Variants in SLC2A9 observed in about 807,000 individuals in gnomAD.
The protein encoded by SLC2A9 is solute carrier family 2, facilitated glucose transporter member 9.
A neutral mutation model predicts 50.6 loss-of-function variants in SLC2A9; 39 were observed. The observed-to-expected ratio is 0.77, with a 90% confidence interval of 0.60 to 1.01. SLC2A9 has a LOEUF of 1.01. Ranked by LOEUF, SLC2A9 falls within the 50% of genes least tolerant of loss-of-function variation. The pLI is 0.00. For synonymous variants in SLC2A9, 324 were observed against 276.9 expected (o/e 1.17, Z -1.69); for missense variants, 686 against 677.6 (o/e 1.01, Z -0.14).
chr4:9,840,896 C>T (rs1022545715), intron 10 of SLC2A9, among the ~76,000 whole-genome samples: 7 of 134,964 alleles, frequency 5.2e-5, no homozygotes, highest in Admixed American at 8.3e-5. Flanking sequence ...AAGCAAGACA[C>T]GTCTTACCAT....
rs139877742 is a variant in SLC2A9 at position 9,873,848 on chromosome 4, C to T, written c.1291+13719G>A. On this transcript the variant is annotated intron_variant, in intron 10 of 11. Coordinates refer to ENST00000264784, the MANE Select transcript of SLC2A9 (RefSeq NM_020041.3). ...TATTTGTTACACAGTCATAGCTAAC[C>T]GATACAAATTCCTTAGTGATCTTTC... Among the ~76,000 whole-genome samples, 42 of 152,296 alleles carry T rather than the reference C, an allele frequency of 2.8e-4. 1 individual carries two copies. Among genetic ancestry groups the T allele is most frequent in the Middle Eastern group, 3.4e-3 (1 of 294 alleles).
intron 8 of SLC2A9, among the ~76,000 whole-genome samples, chr4:9,899,079 C>T (rs529880755): frequency 5.9e-4 from 90 of 152,240 alleles, no homozygotes; most frequent in Non-Finnish European, 9.6e-4. Context: ...TCAGCCAAAG[C>T]GGTGCAGACA....
chr4:9,998,358 A>G (rs1159984398), intron 2 of SLC2A9, among the ~76,000 whole-genome samples: 1 of 152,224 alleles, frequency 6.6e-6, no homozygotes, highest in Non-Finnish European at 1.5e-5. Flanking sequence ...GATTTAAATC[A>G]GCTGAACCTT....
chr4:9,861,591 G>C (rs1043209891), intron 10 of SLC2A9, among the ~76,000 whole-genome samples: 1 of 152,074 alleles, frequency 6.6e-6, no homozygotes, highest in Admixed American at 6.5e-5. Flanking sequence ...TGTTTGTTTT[G>C]CTCCATGCAC....
intron 7 of SLC2A9, among the ~76,000 whole-genome samples, chr4:9,912,618 A>G (rs560374159): frequency 6.6e-6 from 1 of 152,352 alleles, no homozygotes; most frequent in South Asian, 2.1e-4. Flanking sequence ...TCTAAGGATC[A>G]GTCAAGGGTC....
At chr4:9,955,867 ATTTTTTTTTT>A (rs1170286158) in intron 5 of SLC2A9, among the ~76,000 whole-genome samples, 5 of 61,688 alleles carry the variant, frequency 8.1e-5, no homozygotes, top group African/African-American at 3.5e-4. Context: ...AAGCATCTGG[ATTTTTTTTTT>A]TTTTTTTTTT....
chr4:9,802,606 G>C (rs1209012157), intron 3 of SLC2A9, among the ~76,000 whole-genome samples: 3 of 145,796 alleles, frequency 2.1e-5, no homozygotes, highest in Non-Finnish European at 4.5e-5. Context: ...TTGTCGCCCA[G>C]GCTGGAGTGC....
At chr4:9,912,528 T>C (rs1431256787) in intron 7 of SLC2A9, among the ~76,000 whole-genome samples, 1 of 152,104 alleles carries the variant, frequency 6.6e-6, no homozygotes, top group African/African-American at 2.4e-5. Flanking sequence ...AGAGACAAAG[T>C]GTAACATACA....
intron 7 of SLC2A9, among the ~76,000 whole-genome samples, chr4:9,918,267 C>T (rs1490619285): frequency 6.6e-6 from 1 of 152,154 alleles, no homozygotes; most frequent in African/African-American, 2.4e-5. Flanking sequence ...GGGGTGGTGC[C>T]TGCACAGAAA....
At chr4:9,907,244 G>C (rs1740848717) in intron 8 of SLC2A9, among the ~76,000 whole-genome samples, 1 of 152,234 alleles carries the variant, frequency 6.6e-6, no homozygotes, top group African/African-American at 2.4e-5. Flanking sequence ...CTACAAAAAA[G>C]AAGAGACACA....
At chr4:9,939,866 T>C (rs887704471) in intron 6 of SLC2A9, among the ~76,000 whole-genome samples, 1 of 152,172 alleles carries the variant, frequency 6.6e-6, no homozygotes, top group African/African-American at 2.4e-5. Flanking sequence ...TTGCTGAATG[T>C]CTGGAGTAAA....
At chr4:9,852,857 A>C (rs1042395203) in intron 10 of SLC2A9, among the ~76,000 whole-genome samples, 2 of 152,230 alleles carry the variant, frequency 1.3e-5, no homozygotes, top group Admixed American at 1.3e-4. Flanking sequence ...TGCACATACC[A>C]GTATTAACCT....
At chr4:9,955,805 C>G (rs2108882665) in intron 5 of SLC2A9, among the ~76,000 whole-genome samples, 1 of 151,746 alleles carries the variant, frequency 6.6e-6, no homozygotes, top group South Asian at 2.1e-4. Context: ...CCTTTTGAGC[C>G]CCACTGGACA....
intron 5 of SLC2A9, among the ~76,000 whole-genome samples, chr4:9,945,189 G>A (rs1021724754): frequency 6.6e-6 from 1 of 152,244 alleles, no homozygotes; most frequent in Non-Finnish European, 1.5e-5. Flanking sequence ...CAGCTCTCTT[G>A]CAGGCTGTCT....
intron 10 of SLC2A9, among the ~76,000 whole-genome samples, chr4:9,841,508 AAG>A (rs1219812360): frequency 6.6e-6 from 1 of 152,188 alleles, no homozygotes; most frequent in Non-Finnish European, 1.5e-5. Flanking sequence ...GATATGATGG[AAG>A]ACCGATCTTT....
intron 5 of SLC2A9, among the ~76,000 whole-genome samples, chr4:9,953,771 C>A (rs901952571): frequency 2.0e-5 from 3 of 151,074 alleles, no homozygotes; most frequent in African/African-American, 7.4e-5. Flanking sequence ...GGCAGGCATG[C>A]ACTACCGTGC....
In SLC2A9 at chr4:9,845,427, C is replaced by CTTTTTTTTT. The variant is rs1175166447; in HGVS notation, c.1292-10428_1292-10420dup. On this transcript the variant is annotated intron_variant, in intron 10 of 11. Coordinates refer to ENST00000264784, the MANE Select transcript of SLC2A9 (RefSeq NM_020041.3). ...CCAATGGAACCACGATCATCAATTTCTTTTTTTTTTTTTTTTTTTTGAGAC... is the reference window on the plus strand; with the variant it reads ...CCAATGGAACCACGATCATCAATTTCTTTTTTTTTTTTTTTTTTTTTTTTTTTTTGAGAC... Among the ~76,000 whole-genome samples the CTTTTTTTTT allele has an allele frequency of 1.0e-4, 11 of 108,678 alleles. 1 individual carries two copies. Among genetic ancestry groups the CTTTTTTTTT allele is most frequent in the African/African-American group, 3.3e-4 (8 of 24,534 alleles). The allele number at this position is 108,678 out of a possible 152,430, so 71.3% of individuals were successfully genotyped here. A position where few individuals can be genotyped will look rare whatever the true frequency, so the allele number is the denominator to read the frequency against.
At chr4:9,999,808 T>C (rs983831031) in intron 2 of SLC2A9, among the ~76,000 whole-genome samples, 1 of 152,140 alleles carries the variant, frequency 6.6e-6, no homozygotes, top group Non-Finnish European at 1.5e-5. Context: ...AAAGAGGAGC[T>C]AGACAGGAAG....
At chr4:9,983,665 C>T (rs1220401354) in intron 4 of SLC2A9, among the ~76,000 whole-genome samples, 1 of 152,162 alleles carries the variant, frequency 6.6e-6, no homozygotes, top group Non-Finnish European at 1.5e-5. Flanking sequence ...CAGAGCAGAA[C>T]TGCCCAGCCG....
Sources: allele counts gnomAD v4.1 joint callset (sites outside exome capture counted in the v4.1 genomes callset), GRCh38; gene constraint gnomAD v4.1.1; transcripts MANE v1.5; gene names NCBI Gene and HGNC (gene_info 2026-07-23, HGNC 2026-07-21).